The following MYPN variants were observed in gnomAD, a reference collection of about 807,000 sequenced individuals.
MYPN encodes the protein sarcomeric protein myopalladin, 145 kDa (MYOP).
MYPN carries 63 observed loss-of-function variants against 129.4 expected under a neutral mutation model. The ratio of observed to expected loss-of-function variants is 0.49; its 90% CI spans 0.40 to 0.60. The LOEUF is 0.60. Ranked by LOEUF, MYPN falls within the 20% of genes least tolerant of loss-of-function variation. The pLI is 0.00. For missense variants in MYPN, 1,596 were observed against 1,635.4 expected (o/e 0.98, Z 0.42); for synonymous variants, 629 against 600.9 (o/e 1.05, Z -0.68).
chr10:68,093,061 A>C (rs582291), intron 1 of MYPN, among the ~76,000 whole-genome samples: 8,496 of 152,034 alleles, frequency 0.056, 804 homozygotes, highest in African/African-American at 0.19. Context: ...TTTAGTAGAG[A>C]TGAAGTCTCA....
Position 68,122,144 on chromosome 10 carries a change from C to A in MYPN, c.706C>A (p.Arg236Ser), listed in dbSNP as rs1473380971. ...CCTGGAACAGCAGGAAGCCAAGAGG[C>A]GTGAAGCGGAGCAGGCTGCCAGTGA... ...HALEQQEAKR[R>S]EAEQAASEAA... Residue 236 changes from arginine (R) to serine (S), a missense_variant, in exon 2 of 20, where the codon CGT becomes AGT. Transcript: ENST00000358913. 6.2e-7 allele frequency: 1 copy of A among 1,613,166 alleles called. No individual in the cohort carries two copies. The highest frequency in any genetic ancestry group is 2.2e-5 in the East Asian group (1 of 44,878).
intron 10 of MYPN, among the ~76,000 whole-genome samples, chr10:68,172,308 T>C (rs1444684169): frequency 1.3e-5 from 2 of 152,150 alleles, no homozygotes; most frequent in Non-Finnish European, 2.9e-5. Context: ...TGAGCCGTGA[T>C]TGTGCCACTG....
intron 12 of MYPN, among the ~76,000 whole-genome samples, chr10:68,182,305 AC>A (rs2043331392): frequency 6.9e-5 from 1 of 14,406 alleles, no homozygotes; most frequent in Non-Finnish European, 3.8e-4. Context: ...CATATATATA[AC>A]ACACACATAT....
In MYPN at chr10:68,206,835, G is replaced by T; in HGVS notation, c.3725G>T (p.Gly1242Val). Residue 1242 changes from glycine (G) to valine (V), a missense_variant, in exon 19 of 20, where the codon GGA becomes GTA. By Grantham distance (109) the Gly-to-Val change is moderately radical (BLOSUM62 -3). Transcript: ENST00000358913. ...LIQPAKKSDA[G>V]WYTLSAKNEA... is the part of the protein sequence containing the mutation. Reference sequence around the variant, plus strand: ...CAGCCAGCCAAGAAATCAGACGCTGGATGGTACACGTTGTCAGCCAAGAAT... The same window carrying T: ...CAGCCAGCCAAGAAATCAGACGCTGTATGGTACACGTTGTCAGCCAAGAAT... The T allele has an allele frequency of 6.2e-7, 1 of 1,614,212 alleles. No homozygotes were observed. Among genetic ancestry groups the T allele is most frequent in the Non-Finnish European group, 8.5e-7 (1 of 1,180,032 alleles).
At chr10:68,145,625 T>C in intron 4 of MYPN, 99 bp downstream of exon 4, 1 of 1,020,604 alleles carries the variant, frequency 9.8e-7, no homozygotes, top group Non-Finnish European at 1.5e-6. Context: ...GAAGGGTGGC[T>C]CCAGGGTTTG....
At chr10:68,170,426 C>T (rs2043127272) in intron 10 of MYPN, among the ~76,000 whole-genome samples, 1 of 152,126 alleles carries the variant, frequency 6.6e-6, no homozygotes, top group African/African-American at 2.4e-5. Context: ...TATATTCACA[C>T]CACATACACA....
intron 12 of MYPN, 94 bp downstream of exon 12, chr10:68,175,555 T>C (rs139809219): frequency 7.3e-7 from 1 of 1,377,362 alleles, no homozygotes; most frequent in African/African-American, 1.4e-5. Context: ...GTAACCTCAG[T>C]GAGGCTGATG....
chr10:68,160,893 G>A (rs376002801), intron 7 of MYPN, among the ~76,000 whole-genome samples: 3 of 151,766 alleles, frequency 2.0e-5, no homozygotes, highest in East Asian at 3.9e-4. Context: ...CTCCAGCCTG[G>A]GCAACAGAGT....
At chr10:68,172,267 A>G (rs900700750) in intron 10 of MYPN, among the ~76,000 whole-genome samples, 3 of 152,150 alleles carry the variant, frequency 2.0e-5, no homozygotes, top group African/African-American at 7.2e-5. Context: ...AGGCAGGAGG[A>G]TCACTTGAAC....
chr10:68,111,696 T>C (rs1243324285), intron 1 of MYPN, among the ~76,000 whole-genome samples: 2 of 152,258 alleles, frequency 1.3e-5, no homozygotes, highest in African/African-American at 4.8e-5. Context: ...ACTATTTACC[T>C]GCAGTAGCTA....
chr10:68,155,877 AT>A (rs2042864500), intron 6 of MYPN, among the ~76,000 whole-genome samples: 1 of 152,226 alleles, frequency 6.6e-6, no homozygotes, highest in African/African-American at 2.4e-5. Flanking sequence ...CATCACAGAC[AT>A]TAGGAGGCCC....
intron 7 of MYPN, among the ~76,000 whole-genome samples, chr10:68,160,585 A>G (rs114027316): frequency 2.0e-4 from 30 of 152,288 alleles, no homozygotes; most frequent in African/African-American, 7.2e-4. Context: ...CACCGTGGGC[A>G]CTTTCATGAA....
At chr10:68,173,321 C>T (rs893633310) in intron 10 of MYPN, among the ~76,000 whole-genome samples, 11 of 152,174 alleles carry the variant, frequency 7.2e-5, no homozygotes, top group African/African-American at 2.2e-4. Flanking sequence ...TGGCATGTAG[C>T]TCAGTGCCTT....
rs1258782080 is a variant in MYPN at position 68,210,347 on chromosome 10, A to G, written c.3855A>G (p.Gly1285=). ...MSVRPSGSRY[G]SLTSKGLDIF... ...TCCGGCCCAGTGGCAGTCGCTACGG[A>G]TCTCTCACCAGTAAAGGACTTGACA... is the stretch of plus-strand genomic sequence containing the variant. Residue 1285 remains glycine (G), a synonymous_variant, in exon 20 of 20, where the codon GGA becomes GGG. Transcript: ENST00000358913. 2 of 1,614,058 alleles carry G rather than the reference A, an allele frequency of 1.2e-6. No homozygotes were observed. Among genetic ancestry groups the G allele is most frequent in the South Asian group, 1.1e-5 (1 of 91,066 alleles).
At chr10:68,102,355 C>T (rs1261724759), upstream of MYPN, among the ~76,000 whole-genome samples, 3 of 152,040 alleles carry the variant, frequency 2.0e-5, no homozygotes, top group East Asian at 3.9e-4. Context: ...TCTCAAACTC[C>T]TAGGCTCAAG....
chr10:68,112,678 T>A (rs1316595793), intron 1 of MYPN, among the ~76,000 whole-genome samples: 1 of 152,220 alleles, frequency 6.6e-6, no homozygotes, highest in East Asian at 1.9e-4. Flanking sequence ...TGAGATAATG[T>A]GTCTTATATG....
chr10:68,197,248 A>AC, intron 15 of MYPN, 104 bp from the exon 16 acceptor site: 1 of 1,411,728 alleles, frequency 7.1e-7, no homozygotes. Flanking sequence ...CCTTCAAAAA[A>AC]AAAAAATCTG....
At chr10:68,099,069 AACC>A (rs770153209) in intron 1 of MYPN, among the ~76,000 whole-genome samples, 3 of 152,192 alleles carry the variant, frequency 2.0e-5, no homozygotes, top group Admixed American at 6.5e-5. Context: ...AATAATCTAT[AACC>A]ACCTTTTAAT....
rs781011786 is a variant in MYPN at position 68,201,989 on chromosome 10, G to C, written c.3654G>C (p.Arg1218Ser). ...DNETIPCTRERISMHQDTTGY... is the reference protein window; with the variant it reads ...DNETIPCTRESISMHQDTTGY... ...AGACCATCCCTTGCACCAGAGAGAG[G>C]ATCAGGTACAGCAGCCACCACATCC... is the stretch of plus-strand genomic sequence containing the variant. The change falls in exon 18 of 20, where the codon AGG (arginine) becomes AGC (serine). Residue 1218 changes from arginine (R) to serine (S), a missense_variant. By Grantham distance (110) the Arg-to-Ser change is moderately radical (BLOSUM62 -1). Coordinates refer to ENST00000358913, the MANE Select transcript of MYPN (RefSeq NM_032578.4). 5 of 1,613,868 alleles carry C rather than the reference G, an allele frequency of 3.1e-6. No homozygotes were observed. Among genetic ancestry groups the C allele is most frequent in the Non-Finnish European group, 4.2e-6 (5 of 1,179,974 alleles).
Sources: allele counts gnomAD v4.1 joint callset (sites outside exome capture counted in the v4.1 genomes callset), GRCh38; gene constraint gnomAD v4.1.1; transcripts MANE v1.5; gene names NCBI Gene and HGNC (gene_info 2026-07-23, HGNC 2026-07-21).